Variants in NPAS3 observed in about 807,000 individuals in gnomAD.
NPAS3 encodes the protein neuronal PAS domain-containing protein 3.
A neutral mutation model predicts 73.1 loss-of-function variants in NPAS3; 14 were observed. That is an observed-to-expected ratio of 0.19 (90% CI 0.13 to 0.30). NPAS3 has a LOEUF of 0.30. Among genes scored for constraint, NPAS3 ranks in the 10% least tolerant of loss-of-function variants. NPAS3 has a pLI of 1.00. For synonymous variants in NPAS3, 620 were observed against 541.5 expected, an observed-to-expected ratio of 1.14 and a Z score of -2.01; for missense variants, 1,096 against 1,250.0, an observed-to-expected ratio of 0.88 and a Z score of 1.86.
chr14:33,291,352 G>A (rs1247578775), intron 3 of NPAS3, among the ~76,000 whole-genome samples: 1 of 152,134 alleles, frequency 6.6e-6, no homozygotes, highest in East Asian at 1.9e-4. Context: ...TGGACTTCAT[G>A]TAGGAATATC....
At chr14:33,746,515 T>A (rs1174770858) in intron 7 of NPAS3, among the ~76,000 whole-genome samples, 3 of 151,302 alleles carry the variant, frequency 2.0e-5, no homozygotes, top group Non-Finnish European at 4.4e-5. Context: ...TTTTTTTTTT[T>A]ATGATGTATT....
rs547990376 is a variant in NPAS3 at position 33,690,671 on chromosome 14, AAG to A, written c.733+14289_733+14290del. On this transcript the variant is annotated intron_variant, in intron 6 of 11. Transcript: ENST00000356141. ...GCAGAAACCCTAGTTTCTCAAATAC[AAG>A]AGTCATTTCAATTAAAAAGCATTTT... Among the ~76,000 whole-genome samples the A allele has an allele frequency of 4.6e-3, 693 of 152,250 alleles. 6 individuals are homozygous for A. Among genetic ancestry groups the A allele is most frequent in the African/African-American group, 0.016 (679 of 41,542 alleles).
intron 4 of NPAS3, among the ~76,000 whole-genome samples, chr14:33,546,526 A>C (rs2054852073): frequency 6.6e-6 from 1 of 152,246 alleles, no homozygotes. Flanking sequence ...TCAGCCTTGA[A>C]GAAGCAAGCA....
rs1263860790 is a variant in NPAS3 at position 33,245,355 on chromosome 14, T to TTA, written c.385+29930_385+29931dup. 5.9e-5 allele frequency among the ~76,000 whole-genome samples: 9 copies of TTA among 152,222 alleles called. No homozygotes were observed. The South Asian group carries it at 1.7e-3, about 28-fold the overall frequency. ...CTCATCTAATCCTCACAATACAGAATTAACCAGTTAGAAGAACCACAATTC... is the reference window on the plus strand; with the variant it reads ...CTCATCTAATCCTCACAATACAGAATTATAACCAGTTAGAAGAACCACAATTC... On this transcript the variant is annotated intron_variant, in intron 3 of 11. Transcript: ENST00000356141.
At chr14:33,624,953 A>G (rs2058180636) in intron 5 of NPAS3, among the ~76,000 whole-genome samples, 2 of 152,362 alleles carry the variant, frequency 1.3e-5, no homozygotes, top group African/African-American at 4.8e-5. Context: ...GAACTTGGAT[A>G]ACTACCTATG....
intron 3 of NPAS3, among the ~76,000 whole-genome samples, chr14:33,263,953 C>T (rs1462229231): frequency 2.0e-5 from 3 of 152,150 alleles, no homozygotes; most frequent in Non-Finnish European, 2.9e-5. Context: ...AATCATGCTG[C>T]TATAAGGACA....
At chr14:33,317,568 T>G (rs1259688474) in intron 3 of NPAS3, among the ~76,000 whole-genome samples, 1 of 152,082 alleles carries the variant, frequency 6.6e-6, no homozygotes, top group Non-Finnish European at 1.5e-5. Flanking sequence ...TGGAGGTGGT[T>G]ACTTCCATGC....
chr14:33,541,334 A>T (rs1270372830), intron 4 of NPAS3, among the ~76,000 whole-genome samples: 1 of 152,162 alleles, frequency 6.6e-6, no homozygotes, highest in Admixed American at 6.5e-5. Context: ...CCAAGCAAGC[A>T]TATGTGTTTA....
intron 6 of NPAS3, among the ~76,000 whole-genome samples, chr14:33,685,436 C>A (rs746400409): frequency 6.6e-6 from 1 of 152,264 alleles, no homozygotes; most frequent in Admixed American, 6.5e-5. Context: ...GACTGATGGA[C>A]GTTATCAAGG....
chr14:33,735,348 G>T lies in NPAS3; in HGVS notation c.852+16G>T, dbSNP rs750269970. ...AGGATATAAGGTAAGCCGGTTCCGG[G>T]AGGGGAGACATTGCTGTCTCAGGCC... On this transcript the variant is annotated intron_variant, in intron 7 of 11. Coordinates refer to ENST00000356141, the Ensembl canonical transcript of NPAS3. The T allele has an allele frequency of 6.4e-7, 1 of 1,567,066 alleles. No homozygotes were observed. The highest frequency in any genetic ancestry group is 8.8e-7 in the Non-Finnish European group (1 of 1,137,250).
chr14:33,212,867 C>T (rs1479721791), intron 2 of NPAS3, among the ~76,000 whole-genome samples: 12 of 152,162 alleles, frequency 7.9e-5, no homozygotes, highest in South Asian at 2.1e-4. Context: ...TATAACATCA[C>T]GCGAAACTAC....
chr14:33,356,647 G>A (rs371937496), intron 3 of NPAS3, among the ~76,000 whole-genome samples: 4 of 152,196 alleles, frequency 2.6e-5, no homozygotes, highest in African/African-American at 9.7e-5. Flanking sequence ...GGGCATCTGT[G>A]GGGGGTGCTT....
intron 4 of NPAS3, among the ~76,000 whole-genome samples, chr14:33,519,532 T>C (rs1190821481): frequency 6.6e-6 from 1 of 152,110 alleles, no homozygotes; most frequent in East Asian, 1.9e-4. Context: ...GGGTGCCAAA[T>C]CAGGGTTTGC....
At chr14:32,971,052 A>T (rs1046089533) in intron 1 of NPAS3, among the ~76,000 whole-genome samples, 1 of 150,468 alleles carries the variant, frequency 6.6e-6, no homozygotes, top group South Asian at 2.1e-4. Context: ...TTAAGATTGG[A>T]CTTTAGTGAA....
intron 1 of NPAS3, among the ~76,000 whole-genome samples, chr14:32,947,634 T>C (rs1306848035): frequency 3.3e-5 from 5 of 152,100 alleles, no homozygotes; most frequent in Non-Finnish European, 5.9e-5. Flanking sequence ...AAAATATGTA[T>C]GAGATATACC....
intron 3 of NPAS3, among the ~76,000 whole-genome samples, chr14:33,240,576 A>C (rs1207064991): frequency 6.7e-6 from 1 of 149,762 alleles, no homozygotes; most frequent in Non-Finnish European, 1.5e-5. Context: ...TCTTCTGGTT[A>C]GTACTCTTCT....
intron 1 of NPAS3, among the ~76,000 whole-genome samples, chr14:32,946,911 A>T (rs2036284991): frequency 6.6e-6 from 1 of 152,212 alleles, no homozygotes; most frequent in Non-Finnish European, 1.5e-5. Flanking sequence ...AAAAGAGATT[A>T]CATCTGATTA....
intron 6 of NPAS3, among the ~76,000 whole-genome samples, chr14:33,729,312 A>G (rs1373581530): frequency 6.6e-6 from 1 of 152,196 alleles, no homozygotes; most frequent in Non-Finnish European, 1.5e-5. Context: ...CATGAACATG[A>G]TCGTCACGTA....
At chr14:33,315,054 A>T (rs1375080377) in intron 3 of NPAS3, among the ~76,000 whole-genome samples, 2 of 152,070 alleles carry the variant, frequency 1.3e-5, no homozygotes, top group Non-Finnish European at 2.9e-5. Context: ...CTGTGTAAAT[A>T]CTGTAGGGGT....
Sources: gnomAD v4.1 joint callset for allele counts (sites outside exome capture counted in the v4.1 genomes callset) on GRCh38, gnomAD v4.1.1 for gene constraint, MANE v1.5 for transcripts, NCBI Gene and HGNC (gene_info 2026-07-23, HGNC 2026-07-21) for gene names.